SIK2: variants seen among roughly 807,000 people sequenced by gnomAD.
SIK2 encodes salt inducible kinase 2.
Under a neutral mutation model 103.2 loss-of-function variants are expected in SIK2, and 29 were observed. The ratio of observed to expected loss-of-function variants is 0.28; its 90% CI spans 0.21 to 0.38. The LOEUF (loss-of-function observed/expected upper bound fraction) is 0.38. Among genes scored for constraint, SIK2 ranks in the 10% least tolerant of loss-of-function variants. The pLI, the probability that SIK2 is intolerant of heterozygous loss-of-function variation, is 1.00. For missense variants in SIK2, 879 were observed against 1,171.0 expected, an observed-to-expected ratio of 0.75 and a Z score of 3.64; for synonymous variants, 412 against 446.1, an observed-to-expected ratio of 0.92 and a Z score of 0.96.
chr11:111,726,461 GGCCTGAT>G lies in SIK2; in HGVS notation c.*2335_*2341del, dbSNP rs908567772. On this transcript the variant is annotated 3_prime_UTR_variant, in exon 15 of 15. Transcript: ENST00000304987. Reference sequence around the variant, plus strand: ...CACACACGGCAGCGGCGTGGACACCGGCCTGATGCAGAGCGTGACCCCTCCTGCTGGG... The same window carrying G: ...CACACACGGCAGCGGCGTGGACACCGGCAGAGCGTGACCCCTCCTGCTGGG... 2.6e-5 allele frequency: 4 copies of G among 154,814 alleles called. No homozygotes were observed. The highest frequency in any genetic ancestry group is 9.6e-5 in the African/African-American group (4 of 41,492). 9.6% of individuals were successfully genotyped at this position (154,814 alleles called of 1,614,324 possible).
intron 3 of SIK2, among the ~76,000 whole-genome samples, chr11:111,664,946 C>T (rs1456532768): frequency 6.6e-6 from 1 of 152,104 alleles, no homozygotes; most frequent in African/African-American, 2.4e-5. Context: ...AGAATTTACA[C>T]ATTTGAAGTA....
In SIK2 at chr11:111,722,294, G is replaced by A. The variant is rs1224091046; in HGVS notation, c.2055+354G>A. ...TTCTACATGGGCTTTCTATGTTGGTGCATAAAAATCTTAAAAAGCGATAAA... is the reference window on the plus strand; with the variant it reads ...TTCTACATGGGCTTTCTATGTTGGTACATAAAAATCTTAAAAAGCGATAAA... On this transcript the variant is annotated intron_variant, in intron 13 of 14. Transcript: ENST00000304987. The surrounding 1 kb of genome is among the most constrained non-coding windows in gnomAD (Gnocchi z 4.4). Among the ~76,000 whole-genome samples, 3 of 152,200 alleles carry A rather than the reference G, an allele frequency of 2.0e-5. No individual in the cohort carries two copies. Among genetic ancestry groups the A allele is most frequent in the Admixed American group, 2.0e-4 (3 of 15,282 alleles).
chr11:111,660,000 G>A (rs1002039868), intron 3 of SIK2, among the ~76,000 whole-genome samples: 1 of 152,084 alleles, frequency 6.6e-6, no homozygotes, highest in Non-Finnish European at 1.5e-5. Flanking sequence ...AAAACCGAAT[G>A]GCCATTTCTT....
intron 4 of SIK2, among the ~76,000 whole-genome samples, chr11:111,698,242 G>T (rs933894646): frequency 6.6e-6 from 1 of 152,206 alleles, no homozygotes; most frequent in Admixed American, 6.5e-5. Context: ...GTAAAGCAGA[G>T]GTTGAAACTG....
At chr11:111,702,969 C>T (rs751268055) in intron 6 of SIK2, among the ~76,000 whole-genome samples, 59 of 151,806 alleles carry the variant, frequency 3.9e-4, no homozygotes, top group Non-Finnish European at 8.1e-4. Context: ...AGAAAGTTTC[C>T]TTTAGCCCAG....
In SIK2 at chr11:111,670,404, G is replaced by A. The variant is rs534094379; in HGVS notation, c.317-17597G>A. On this transcript the variant is annotated intron_variant, in intron 3 of 14. Coordinates refer to ENST00000304987, the MANE Select transcript of SIK2 (RefSeq NM_015191.3). ...CTCAGTGCATGTGAGTTATAAATCC[G>A]TGGTGGTACTGATAGCTTAATCCTG... 3.0e-4 allele frequency among the ~76,000 whole-genome samples: 45 copies of A among 152,332 alleles called. 2 individuals are homozygous for A. In the South Asian group the frequency reaches 8.1e-3, roughly 27 times the overall value.
chr11:111,675,778 A>C (rs774509059), intron 3 of SIK2, among the ~76,000 whole-genome samples: 5 of 152,280 alleles, frequency 3.3e-5, no homozygotes, highest in African/African-American at 4.8e-5. Flanking sequence ...GGTTCAAGCG[A>C]GTACATGTTC....
At chr11:111,656,479 T>C (rs989800165) in intron 3 of SIK2, among the ~76,000 whole-genome samples, 1 of 152,144 alleles carries the variant, frequency 6.6e-6, no homozygotes, top group Non-Finnish European at 1.5e-5. Flanking sequence ...TTACCTACTC[T>C]CCCTCTGTAC....
At chr11:111,675,665 A>G (rs909972194) in intron 3 of SIK2, among the ~76,000 whole-genome samples, 7 of 152,204 alleles carry the variant, frequency 4.6e-5, no homozygotes, top group Non-Finnish European at 8.8e-5. Context: ...AGCTAACTGT[A>G]TTGAAAAAGC....
intron 3 of SIK2, among the ~76,000 whole-genome samples, chr11:111,669,517 G>A (rs1402657116): frequency 6.6e-6 from 1 of 151,938 alleles, no homozygotes; most frequent in East Asian, 1.9e-4. Flanking sequence ...AATCGCTTGA[G>A]CCCAGGAGTT....
At chr11:111,635,411 AGGAG>A (rs1315146808) in intron 3 of SIK2, among the ~76,000 whole-genome samples, 2 of 125,654 alleles carry the variant, frequency 1.6e-5, no homozygotes, top group Non-Finnish European at 3.3e-5. Context: ...AAAGGAAGGA[AGGAG>A]GGAGGGAGGG....
Position 111,723,994 on chromosome 11 carries a change from T to G in SIK2, c.2646T>G (p.Cys882Trp). The change falls in exon 15 of 15, where the codon TGT (cysteine) becomes TGG (tryptophan). Residue 882 changes from cysteine (C) to tryptophan (W), a missense_variant. By Grantham distance (215) the Cys-to-Trp change is radical. Transcript: ENST00000304987. ...AQQSDLTGPD[C>W]PRSPGLQEAP... ...AGAGCGACCTAACGGGGCCAGACTG[T>G]CCCAGAAGCCCAGGACTGCAAGAGG... 6.2e-7 allele frequency: 1 copy of G among 1,614,148 alleles called. No homozygotes were observed. The highest frequency in any genetic ancestry group is 8.5e-7 in the Non-Finnish European group (1 of 1,180,036).
intron 3 of SIK2, among the ~76,000 whole-genome samples, chr11:111,658,508 C>A (rs191231792): frequency 6.6e-6 from 1 of 152,058 alleles, no homozygotes; most frequent in South Asian, 2.1e-4. Context: ...TTTGGGAGGC[C>A]GAGGCAGGCA....
At chr11:111,655,496 A>G (rs1033175119) in intron 3 of SIK2, among the ~76,000 whole-genome samples, 1 of 152,248 alleles carries the variant, frequency 6.6e-6, no homozygotes, top group Non-Finnish European at 1.5e-5. Context: ...AGGTCAGGCA[A>G]TATCAGTAAT....
At position 111,666,243 on chromosome 11, in the gene SIK2, G is replaced by C. The variant is rs867045075; in HGVS notation, c.317-21758G>C. 8.5e-5 allele frequency among the ~76,000 whole-genome samples: 13 copies of C among 152,288 alleles called. 1 individual carries two copies. Among genetic ancestry groups the C allele is most frequent in the Middle Eastern group, 6.8e-3 (2 of 294 alleles). Reference sequence around the variant, plus strand: ...GTTTCTGTTAAATTTTGATGTTGTAGAGGGGTGTTGGAGTTCCTTTCAGGT... The same window carrying C: ...GTTTCTGTTAAATTTTGATGTTGTACAGGGGTGTTGGAGTTCCTTTCAGGT... On this transcript the variant is annotated intron_variant, in intron 3 of 14. Transcript: ENST00000304987.
rs1944115327 is a variant in SIK2, at chr11:111,729,619, TTC to T, written c.*5494_*5495del. On this transcript the variant is annotated 3_prime_UTR_variant, in exon 15 of 15. Transcript: ENST00000304987. Reference sequence around the variant, plus strand: ...TGCTGGAAGAAGCCCTCTCTTTCCCTTCTCTTTCCTCAGTAGCATCTGACTCT... The same window carrying T: ...TGCTGGAAGAAGCCCTCTCTTTCCCTTCTTTCCTCAGTAGCATCTGACTCT... The T allele has an allele frequency of 6.6e-6, 1 of 152,300 alleles. No homozygotes were observed. 9.4% of individuals were successfully genotyped at this position (152,300 alleles called of 1,614,324 possible).
chr11:111,644,220 C>T (rs1396774927), intron 3 of SIK2, among the ~76,000 whole-genome samples: 3 of 142,338 alleles, frequency 2.1e-5, no homozygotes, highest in Admixed American at 7.4e-5. Flanking sequence ...ACCCAGGAGG[C>T]GGAGGTTGTG....
chr11:111,637,456 CTTT>C (rs558690499), intron 3 of SIK2, among the ~76,000 whole-genome samples: 13 of 124,704 alleles, frequency 1.0e-4, no homozygotes, highest in Admixed American at 4.0e-4. Flanking sequence ...TTTGTAATAT[CTTT>C]TTTTTTTTTT....
intron 1 of SIK2, among the ~76,000 whole-genome samples, chr11:111,612,912 T>C (rs2135832661): frequency 1.3e-5 from 1 of 79,062 alleles, no homozygotes; most frequent in African/African-American, 7.7e-5. Flanking sequence ...GGGATAGCAA[T>C]GGGATATATA....
Sources: allele counts gnomAD v4.1 joint callset (sites outside exome capture counted in the v4.1 genomes callset), GRCh38; gene constraint gnomAD v4.1.1; non-coding constraint Gnocchi (gnomAD v3.1); transcripts MANE v1.5; gene names NCBI Gene and HGNC (gene_info 2026-07-23, HGNC 2026-07-21).